The following IRAK3 variants were observed in gnomAD, a reference collection of about 807,000 sequenced individuals.
IRAK3 encodes the protein interleukin 1 receptor associated kinase 3.
Under a neutral mutation model 56.6 loss-of-function variants are expected in IRAK3, and 57 were observed. The observed-to-expected ratio is 1.01, with a 90% CI of 0.81 to 1.26. The LOEUF is 1.26. Ranked by LOEUF, IRAK3 falls within the 50% of genes most tolerant of loss-of-function variation. The pLI, the probability that IRAK3 is intolerant of heterozygous loss-of-function variation, is 0.00. For missense variants in IRAK3, 703 were observed against 719.0 expected (o/e 0.98, Z 0.25); for synonymous variants, 258 against 255.7 (o/e 1.01, Z -0.09).
rs576009846 is a variant in IRAK3, at chr12:66,194,686, G to A, written c.133+5254G>A. On this transcript the variant is annotated intron_variant, in intron 1 of 11. Coordinates refer to ENST00000261233, the MANE Select transcript of IRAK3 (RefSeq NM_007199.3). Reference sequence around the variant, plus strand: ...CTACTAAAAATGCAAAAGATTAGCCGGGCGTGGTGGCAGGTGCCTGTAATC... The same window carrying A: ...CTACTAAAAATGCAAAAGATTAGCCAGGCGTGGTGGCAGGTGCCTGTAATC... Among the ~76,000 whole-genome samples, 421 of 152,044 alleles carry A rather than the reference G, an allele frequency of 2.8e-3. 1 individual carries two copies. The highest frequency in any genetic ancestry group is 9.8e-3 in the African/African-American group (406 of 41,464).
At chr12:66,240,519 G>A (rs2052956394) in intron 8 of IRAK3, among the ~76,000 whole-genome samples, 1 of 152,144 alleles carries the variant, frequency 6.6e-6, no homozygotes, top group Admixed American at 6.5e-5. Flanking sequence ...GTGCACAACT[G>A]TTTTAGTAGC....
At chr12:66,190,666 C>T (rs1042379742) in intron 1 of IRAK3, among the ~76,000 whole-genome samples, 2 of 152,186 alleles carry the variant, frequency 1.3e-5, no homozygotes, top group Non-Finnish European at 2.9e-5. Context: ...GATATTCATG[C>T]TTTACATGGC....
intron 2 of IRAK3, among the ~76,000 whole-genome samples, chr12:66,204,697 C>G: frequency 6.6e-6 from 1 of 151,870 alleles, no homozygotes; most frequent in Non-Finnish European, 1.5e-5. Context: ...TTCTTTGGCT[C>G]TTTTCATAGA....
intron 1 of IRAK3, among the ~76,000 whole-genome samples, chr12:66,195,838 G>A (rs2052446768): frequency 6.6e-6 from 1 of 152,014 alleles, no homozygotes; most frequent in Admixed American, 6.6e-5. Context: ...TGTATTTTTA[G>A]TAGAGACGGG....
intron 6 of IRAK3, among the ~76,000 whole-genome samples, chr12:66,221,069 G>A (rs145669431): frequency 2.0e-5 from 3 of 152,140 alleles, no homozygotes; most frequent in East Asian, 1.9e-4. Flanking sequence ...AGTTGTTAAC[G>A]CACAAAATTT....
intron 8 of IRAK3, among the ~76,000 whole-genome samples, chr12:66,239,412 T>C (rs973060075): frequency 2.6e-5 from 4 of 151,848 alleles, no homozygotes; most frequent in Non-Finnish European, 5.9e-5. Context: ...GAAGAGGGCA[T>C]AGGGGGCCAC....
At chr12:66,221,902 G>A (rs928142332) in intron 6 of IRAK3, among the ~76,000 whole-genome samples, 16 of 152,166 alleles carry the variant, frequency 1.1e-4, no homozygotes, top group Admixed American at 3.9e-4. Flanking sequence ...AGTGGTGCAC[G>A]CTTGCAATCC....
chr12:66,191,354 T>C (rs1355526887), intron 1 of IRAK3, among the ~76,000 whole-genome samples: 2 of 152,204 alleles, frequency 1.3e-5, no homozygotes, highest in African/African-American at 4.8e-5. Flanking sequence ...CTGGGCTAGT[T>C]GCTACAGTTT....
intron 6 of IRAK3, among the ~76,000 whole-genome samples, chr12:66,221,292 T>C (rs1222852350): frequency 6.6e-6 from 1 of 152,234 alleles, no homozygotes; most frequent in Non-Finnish European, 1.5e-5. Context: ...GTTTTCATCA[T>C]GTCATCTGTA....
intron 1 of IRAK3, among the ~76,000 whole-genome samples, chr12:66,192,990 G>C (rs2052413284): frequency 6.6e-6 from 1 of 151,846 alleles, no homozygotes; most frequent in African/African-American, 2.4e-5. Context: ...ATTTTAAATA[G>C]ATGTGTTTTT....
chr12:66,211,452 T>C lies in IRAK3; in HGVS notation c.443T>C (p.Leu148Pro), dbSNP rs556626340. 6.3e-7 allele frequency: 1 copy of C among 1,595,928 alleles called. No individual in the cohort carries two copies. The highest frequency in any genetic ancestry group is 1.3e-5 in the African/African-American group (1 of 74,784). ...LIPEHNEKGILLKSSISFQNI... is the reference protein window; with the variant it reads ...LIPEHNEKGIPLKSSISFQNI... ...CCCTACTTTCCTTCCTAAGGAATAC[T>C]GCTTAAATCTTCCATCAGCTTTCAA... Residue 148 changes from leucine to proline, a missense_variant, in exon 5 of 12, where the codon CTG becomes CCG. Transcript: ENST00000261233.
At chr12:66,225,511 C>A (rs1486738222) in intron 6 of IRAK3, among the ~76,000 whole-genome samples, 1 of 151,704 alleles carries the variant, frequency 6.6e-6, no homozygotes, top group Non-Finnish European at 1.5e-5. Flanking sequence ...TTTGCTACTG[C>A]AGAAATGAAT....
chr12:66,206,390 T>C (rs1369062686), intron 2 of IRAK3, among the ~76,000 whole-genome samples: 3 of 152,204 alleles, frequency 2.0e-5, no homozygotes, highest in Admixed American at 6.5e-5. Flanking sequence ...GCCCTTATCA[T>C]ATTGAGGACA....
In IRAK3 at chr12:66,248,221, C is replaced by G. The variant is rs976395494; in HGVS notation, c.*50C>G. On this transcript the variant is annotated 3_prime_UTR_variant, in exon 12 of 12. Transcript: ENST00000261233. ...AGCAAGTATTGCATAGGCACCTGAG[C>G]ATAGGTATGACCTTGGGAAGACATT... 6.0e-6 allele frequency: 8 copies of G among 1,336,642 alleles called. No homozygotes were observed. In the African/African-American group the frequency reaches 1.2e-4, roughly 19 times the overall value. 82.8% of individuals were successfully genotyped at this position (1,336,642 alleles called of 1,614,324 possible). A position where few individuals can be genotyped will look rare whatever the true frequency, so the allele number is the denominator to read the frequency against.
At position 66,250,261 on chromosome 12, in the gene IRAK3, A is replaced by G. The variant is rs2053083788; in HGVS notation, c.*2090A>G. 6.6e-6 allele frequency: 1 copy of G among 152,250 alleles called. No homozygotes were observed. Among genetic ancestry groups the G allele is most frequent in the Admixed American group, 6.5e-5 (1 of 15,292 alleles). The allele number at this position is 152,250 out of a possible 1,614,324, so 9.4% of individuals were successfully genotyped here. On this transcript the variant is annotated 3_prime_UTR_variant, in exon 12 of 12. Coordinates refer to ENST00000261233, the MANE Select transcript of IRAK3 (RefSeq NM_007199.3). ...GTAAACCTCTAGTTTCTTGTCCAGCAGAGGAATAGGCTCATGTCTTTTGTT... is the reference window on the plus strand; with the variant it reads ...GTAAACCTCTAGTTTCTTGTCCAGCGGAGGAATAGGCTCATGTCTTTTGTT...
chr12:66,239,296 G>T (rs1010937806), intron 8 of IRAK3, among the ~76,000 whole-genome samples: 1 of 70,800 alleles, frequency 1.4e-5, no homozygotes, highest in Non-Finnish European at 3.0e-5. Context: ...GCTTCAAAAT[G>T]GACTTTTTTT....
chr12:66,206,686 A>C (rs1236619630), intron 2 of IRAK3, among the ~76,000 whole-genome samples: 1 of 152,124 alleles, frequency 6.6e-6, no homozygotes, highest in Non-Finnish European at 1.5e-5. Flanking sequence ...TTTTCTTGTA[A>C]TGTCTTTATC....
chr12:66,196,969 G>T (rs1041374701), intron 1 of IRAK3: 1 of 1,534,554 alleles, frequency 6.5e-7, no homozygotes, highest in South Asian at 1.2e-5. Flanking sequence ...TTCCAAATAC[G>T]GATGTGTTGC....
At chr12:66,232,342 C>T (rs936251384) in intron 8 of IRAK3, among the ~76,000 whole-genome samples, 5 of 152,322 alleles carry the variant, frequency 3.3e-5, no homozygotes, top group Middle Eastern at 3.4e-3. Context: ...ATCAATGTGT[C>T]CCTGCCTGTT....
Sources: gnomAD v4.1 joint callset for allele counts (sites outside exome capture counted in the v4.1 genomes callset) on GRCh38, gnomAD v4.1.1 for gene constraint, MANE v1.5 for transcripts, NCBI Gene and HGNC (gene_info 2026-07-23, HGNC 2026-07-21) for gene names.